NCKAP5: variants seen among roughly 807,000 people sequenced by gnomAD.
NCKAP5 encodes nck-associated protein 5.
Under a neutral mutation model 167.0 loss-of-function variants are expected in NCKAP5, and 92 were observed. The observed-to-expected ratio is 0.55, with a 90% CI of 0.47 to 0.66. NCKAP5 has a LOEUF of 0.66. Ranked by LOEUF, NCKAP5 falls within the 30% of genes least tolerant of loss-of-function variation. The pLI is 0.00. For synonymous variants in NCKAP5, 891 were observed against 877.4 expected, an observed-to-expected ratio of 1.02 and a Z score of -0.27; for missense variants, 2,378 against 2,315.0, an observed-to-expected ratio of 1.03 and a Z score of -0.56.
chr2:133,186,726 A>G (rs1166484033), intron 5 of NCKAP5, among the ~76,000 whole-genome samples: 1 of 151,906 alleles, frequency 6.6e-6, no homozygotes, highest in Non-Finnish European at 1.5e-5. Flanking sequence ...TAGATTTTCT[A>G]ATACGTGTGC....
chr2:133,183,008 G>T lies in NCKAP5; in HGVS notation c.207+30708C>A, dbSNP rs190153805. Among the ~76,000 whole-genome samples, 136 of 152,094 alleles carry T rather than the reference G, an allele frequency of 8.9e-4. 1 individual carries two copies. Among genetic ancestry groups the T allele is most frequent in the African/African-American group, 2.9e-3 (121 of 41,516 alleles). ...CTGCATACATAAATTTGACAACTTTGATGAAATGGGTCATTTCCTTCAAAA... is the reference window on the plus strand; with the variant it reads ...CTGCATACATAAATTTGACAACTTTTATGAAATGGGTCATTTCCTTCAAAA... On this transcript the variant is annotated intron_variant, in intron 5 of 19. Coordinates refer to ENST00000409261, the MANE Select transcript of NCKAP5 (RefSeq NM_207363.3).
At chr2:133,342,425 A>C (rs1683657472) in intron 3 of NCKAP5, among the ~76,000 whole-genome samples, 1 of 152,184 alleles carries the variant, frequency 6.6e-6, no homozygotes, top group African/African-American at 2.4e-5. Flanking sequence ...GTCAGTTAGA[A>C]GGCAGCAGGA....
At chr2:133,150,385 TG>T (rs1338430108) in intron 5 of NCKAP5, among the ~76,000 whole-genome samples, 3 of 152,090 alleles carry the variant, frequency 2.0e-5, no homozygotes, top group Non-Finnish European at 4.4e-5. Flanking sequence ...TGGCATCCAC[TG>T]GGGGTCTGAA....
In NCKAP5 at chr2:133,448,465, GACTT is replaced by G. The variant is rs1691348816; in HGVS notation, c.69+68989_69+68992del. ...TTTACCCTGAGCAGTCAAGAGGAAA[GACTT>G]ACTAAATCTAAAACAAAAGTAGCGC... On this transcript the variant is annotated intron_variant, in intron 3 of 19. Transcript: ENST00000409261. Among the ~76,000 whole-genome samples the G allele has an allele frequency of 4.6e-5, 7 of 152,284 alleles. No homozygotes were observed. In the South Asian group the frequency reaches 1.4e-3, roughly 32 times the overall value.
chr2:133,621,727 C>G, the NCKAP5 span, among the ~76,000 whole-genome samples: 1 of 152,030 alleles, frequency 6.6e-6, no homozygotes, highest in Non-Finnish European at 1.5e-5. Context: ...TGGTAACAAT[C>G]CTATTGACAC....
At position 132,782,405 on chromosome 2, in the gene NCKAP5, G is replaced by A; in HGVS notation, c.4406C>T (p.Ser1469Leu). 1 of 1,614,070 alleles carries A rather than the reference G, an allele frequency of 6.2e-7. No homozygotes were observed. The highest frequency in any genetic ancestry group is 8.5e-7 in the Non-Finnish European group (1 of 1,179,904). ...TDAVSSEAPL[S>L]PTIEEKVMLC... ...CATGACCTTTTCTTCGATTGTGGGTGAGAGGGGGGCTTCTGAACTCACAGC... is the reference window on the plus strand; with the variant it reads ...CATGACCTTTTCTTCGATTGTGGGTAAGAGGGGGGCTTCTGAACTCACAGC... Residue 1469 changes from serine to leucine, a missense_variant, in exon 14 of 20, where the codon TCA (serine) becomes TTA (leucine). Transcript: ENST00000409261.
chr2:133,429,289 GCTA>G (rs1228507290), intron 3 of NCKAP5, among the ~76,000 whole-genome samples: 3 of 129,368 alleles, frequency 2.3e-5, no homozygotes, highest in African/African-American at 1.1e-4. Flanking sequence ...TTAATTTGGA[GCTA>G]CTTTTTTTTA....
chr2:133,453,078 A>C (rs1458690193), intron 3 of NCKAP5, among the ~76,000 whole-genome samples: 3 of 152,170 alleles, frequency 2.0e-5, no homozygotes, highest in Non-Finnish European at 4.4e-5. Flanking sequence ...CAATTTAAAA[A>C]TCTTCAATTT....
chr2:133,648,129 T>A, the NCKAP5 span, among the ~76,000 whole-genome samples: 1 of 151,996 alleles, frequency 6.6e-6, no homozygotes, highest in Non-Finnish European at 1.5e-5. Flanking sequence ...TCCAAAACTG[T>A]CATAAAAAGC....
At chr2:133,598,256 G>A in the NCKAP5 span, among the ~76,000 whole-genome samples, 1 of 152,194 alleles carries the variant, frequency 6.6e-6, no homozygotes, top group South Asian at 2.1e-4. Flanking sequence ...TAAGTGATAT[G>A]AGTTTCTAGG....
At chr2:133,639,863 A>G in the NCKAP5 span, among the ~76,000 whole-genome samples, 39 of 152,174 alleles carry the variant, frequency 2.6e-4, no homozygotes, top group African/African-American at 5.3e-4. Context: ...ATGACCATCA[A>G]TAGGAGAGTG....
rs377332557 is a variant in NCKAP5, at chr2:133,358,222, G to T, written c.70-55112C>A. 2.0e-5 allele frequency among the ~76,000 whole-genome samples: 3 copies of T among 151,960 alleles called. No individual in the cohort carries two copies. The East Asian group carries it at 5.8e-4, about 29-fold the overall frequency. Reference sequence around the variant, plus strand: ...AGTATTCCCATTACACCTCTTTATGGTTATCTTTATGGTTCTAGCTCCCAT... The same window carrying T: ...AGTATTCCCATTACACCTCTTTATGTTTATCTTTATGGTTCTAGCTCCCAT... On this transcript the variant is annotated intron_variant, in intron 3 of 19. Transcript: ENST00000409261.
chr2:132,675,924 A>G lies in NCKAP5; in HGVS notation c.5714-2619T>C, dbSNP rs972023178. 2.6e-5 allele frequency among the ~76,000 whole-genome samples: 4 copies of G among 152,280 alleles called. No homozygotes were observed. In the South Asian group the frequency reaches 8.3e-4, roughly 32 times the overall value. On this transcript the variant is annotated intron_variant, in intron 19 of 19. Transcript: ENST00000409261. ...CAGTTTTGATGAAAAGTGACTGCAGACATATTACTTGACTGTAAAAACAAC... is the reference window on the plus strand; with the variant it reads ...CAGTTTTGATGAAAAGTGACTGCAGGCATATTACTTGACTGTAAAAACAAC...
chr2:133,457,897 C>T (rs919461399), intron 3 of NCKAP5, among the ~76,000 whole-genome samples: 25 of 152,246 alleles, frequency 1.6e-4, no homozygotes, highest in Non-Finnish European at 3.4e-4. Flanking sequence ...AAGTTAAACA[C>T]GATTTTCTCC....
At chr2:133,015,917 TAAG>T (rs977842129) in intron 6 of NCKAP5, among the ~76,000 whole-genome samples, 5 of 151,996 alleles carry the variant, frequency 3.3e-5, no homozygotes, top group African/African-American at 1.2e-4. Context: ...CCTGGAAAGG[TAAG>T]AAGTCCTCGC....
At chr2:133,083,079 C>T (rs1195170071) in intron 6 of NCKAP5, among the ~76,000 whole-genome samples, 1 of 152,036 alleles carries the variant, frequency 6.6e-6, no homozygotes. Context: ...AGTTTCTGTG[C>T]CTCAGTGATG....
intron 3 of NCKAP5, among the ~76,000 whole-genome samples, chr2:133,463,793 G>A (rs1574999007): frequency 6.6e-6 from 1 of 152,204 alleles, no homozygotes; most frequent in South Asian, 2.1e-4. Flanking sequence ...TTATTCCTTG[G>A]TGGGATATTT....
chr2:133,346,219 A>G (rs556573554), intron 3 of NCKAP5, among the ~76,000 whole-genome samples: 12 of 152,328 alleles, frequency 7.9e-5, no homozygotes, highest in African/African-American at 2.6e-4. Flanking sequence ...CCAAGCCATG[A>G]ATTTGCAGGA....
At chr2:133,083,225 CA>C (rs146816164) in intron 6 of NCKAP5, among the ~76,000 whole-genome samples, 4 of 150,692 alleles carry the variant, frequency 2.7e-5, no homozygotes, top group East Asian at 2.0e-4. Context: ...TAGACAGGGC[CA>C]AAAAAAAATC....
Sources: gnomAD v4.1 joint callset for allele counts (sites outside exome capture counted in the v4.1 genomes callset) on GRCh38, gnomAD v4.1.1 for gene constraint, MANE v1.5 for transcripts, NCBI Gene and HGNC (gene_info 2026-07-23, HGNC 2026-07-21) for gene names.